The following BIRC2 variants were observed in gnomAD, a reference collection of about 807,000 sequenced individuals.
BIRC2 encodes the protein baculoviral IAP repeat-containing protein 2.
A neutral mutation model predicts 60.9 loss-of-function variants in BIRC2; 18 were observed. The observed-to-expected ratio is 0.30, with a 90% confidence interval of 0.20 to 0.44. The LOEUF (loss-of-function observed/expected upper bound fraction) is 0.44, where lower values mean the gene tolerates loss of function less well. Among genes scored for constraint, BIRC2 ranks in the 20% least tolerant of loss-of-function variants. The pLI is 1.00. For synonymous variants in BIRC2, 282 were observed against 247.7 expected (o/e 1.14, Z -1.30); for missense variants, 701 against 728.5 (o/e 0.96, Z 0.43).
At position 102,377,641 on chromosome 11, in the gene BIRC2, A is replaced by G; in HGVS notation, c.1512A>G (p.Leu504=). The G allele has an allele frequency of 6.2e-7, 1 of 1,611,094 alleles. No individual in the cohort carries two copies. Among genetic ancestry groups the G allele is most frequent in the Non-Finnish European group, 8.5e-7 (1 of 1,179,248 alleles). Residue 504 remains leucine (L), a synonymous_variant, in exon 7 of 9, where the codon TTA becomes TTG. Transcript: ENST00000227758. ...DIIKQKTQIP[L]QARELIDTIL... is the part of the protein sequence containing the mutation. ...TTAAACAAAAAACACAGATACCTTT[A>G]CAAGCGAGAGAACTGATTGATACCA...
rs1009136280 is a variant in BIRC2 at position 102,370,078 on chromosome 11, T to C, written c.1366+1530T>C. 3.4e-3 allele frequency among the ~76,000 whole-genome samples: 517 copies of C among 151,934 alleles called. 5 individuals carry two copies. Among genetic ancestry groups the C allele is most frequent in the South Asian group, 0.024 (114 of 4,826 alleles). On this transcript the variant is annotated intron_variant, in intron 6 of 8. Transcript: ENST00000227758. ...TTCTGGTTATTAGCCCTTTGTCAGA[T>C]GAGTAGGTTGCGAAAATTTTCTCCC...
intron 5 of BIRC2, among the ~76,000 whole-genome samples, chr11:102,365,964 T>A (rs549240625): frequency 3.3e-5 from 5 of 152,336 alleles, no homozygotes; most frequent in Admixed American, 2.6e-4. Context: ...TTTCCCTGGT[T>A]GGTCCTGAAC....
intron 3 of BIRC2, among the ~76,000 whole-genome samples, chr11:102,357,119 G>C (rs1951431903): frequency 6.6e-6 from 1 of 152,144 alleles, no homozygotes; most frequent in Admixed American, 6.5e-5. Context: ...GCTAGTATTT[G>C]TTGAGGATTT....
rs868761621 is a variant in BIRC2, at chr11:102,367,224, A to G, written c.1124-1082A>G. Among the ~76,000 whole-genome samples, 6 of 152,196 alleles carry G rather than the reference A, an allele frequency of 3.9e-5. No individual in the cohort carries two copies. The South Asian group carries it at 1.2e-3, about 32-fold the overall frequency. On this transcript the variant is annotated intron_variant, in intron 5 of 8. Coordinates refer to ENST00000227758, the MANE Select transcript of BIRC2 (RefSeq NM_001166.5). ...GTATATACCAGTTTAGTTCGTTTGT[A>G]TATTTTTAAATTTTTTCACAGTAGT...
chr11:102,353,697 T>C (rs1951388426), intron 3 of BIRC2, among the ~76,000 whole-genome samples: 1 of 145,764 alleles, frequency 6.9e-6, no homozygotes, highest in Admixed American at 6.8e-5. Context: ...TTTTTTTTTT[T>C]TTTTTTGGTG....
chr11:102,369,230 T>G (rs1951592601), intron 6 of BIRC2, among the ~76,000 whole-genome samples: 1 of 151,110 alleles, frequency 6.6e-6, no homozygotes, highest in South Asian at 2.1e-4. Flanking sequence ...TAGTTACATA[T>G]GTATACATGT....
chr11:102,361,458 G>A (rs1369700501), intron 3 of BIRC2, among the ~76,000 whole-genome samples: 1 of 152,042 alleles, frequency 6.6e-6, no homozygotes, highest in Non-Finnish European at 1.5e-5. Flanking sequence ...TGTCTGGGCA[G>A]TGCAAGAGCT....
intron 3 of BIRC2, among the ~76,000 whole-genome samples, chr11:102,360,062 G>C (rs1951468645): frequency 6.6e-6 from 1 of 151,790 alleles, no homozygotes; most frequent in Admixed American, 6.6e-5. Flanking sequence ...CACCTCCCAG[G>C]TTCAAGTGAT....
Position 102,377,754 on chromosome 11 carries a change from A to G in BIRC2, c.1621+4A>G, listed in dbSNP as rs747833581. On this transcript the variant is annotated splice_donor_region_variant and intron_variant, in intron 7 of 8. Coordinates refer to ENST00000227758, the MANE Select transcript of BIRC2 (RefSeq NM_001166.5). ...ACATTGTATAAGAACTTATTTGGTG[A>G]GTTTGTTGGGAAAATTATTTTAGAA... The G allele has an allele frequency of 8.2e-6, 13 of 1,594,148 alleles. No individual in the cohort carries two copies. The highest frequency in any genetic ancestry group is 1.0e-5 in the Non-Finnish European group (12 of 1,175,794).
intron 3 of BIRC2, among the ~76,000 whole-genome samples, chr11:102,358,712 ATTAT>A: frequency 6.6e-6 from 1 of 152,138 alleles, no homozygotes; most frequent in Non-Finnish European, 1.5e-5. Context: ...CCCCTTTCTC[ATTAT>A]ATAATTACTT....
rs1415933287 is a variant in BIRC2, at chr11:102,364,164, TATATATATATACAC to T, written c.1123+450_1123+463del. Among the ~76,000 whole-genome samples the T allele has an allele frequency of 2.2e-3, 177 of 82,172 alleles. 1 individual carries two copies. Among genetic ancestry groups the T allele is most frequent in the Non-Finnish European group, 2.8e-3 (118 of 41,882 alleles). The allele number at this position is 82,172 out of a possible 152,430, so 53.9% of individuals were successfully genotyped here. A position where few individuals can be genotyped will look rare whatever the true frequency, so the allele number is the denominator to read the frequency against. ...TTATATATATATATATATATATATATATATATATATACACACACACACAGAGAGAGAGAGAGAGA... is the reference window on the plus strand; with the variant it reads ...TTATATATATATATATATATATATATACACACACAGAGAGAGAGAGAGAGA... On this transcript the variant is annotated intron_variant, in intron 5 of 8. Transcript: ENST00000227758.
intron 8 of BIRC2, 38 bp downstream of exon 8, chr11:102,377,936 C>G (rs755688781): frequency 2.7e-5 from 42 of 1,531,580 alleles, no homozygotes; most frequent in Non-Finnish European, 3.5e-5. Context: ...AACTATTACC[C>G]TTTTTTTTTA....
At chr11:102,373,628 A>G (rs1460889377) in intron 6 of BIRC2, among the ~76,000 whole-genome samples, 1 of 151,210 alleles carries the variant, frequency 6.6e-6, no homozygotes, top group Non-Finnish European at 1.5e-5. Flanking sequence ...ACTTTGGTGA[A>G]TCTGACAATT....
chr11:102,375,077 A>C (rs955273525), intron 6 of BIRC2, among the ~76,000 whole-genome samples: 5 of 152,200 alleles, frequency 3.3e-5, no homozygotes, highest in Admixed American at 1.3e-4. Flanking sequence ...GGCACTCCCT[A>C]GTGAGATGAA....
chr11:102,364,905 C>G (rs1591539004), intron 5 of BIRC2, among the ~76,000 whole-genome samples: 1 of 152,326 alleles, frequency 6.6e-6, no homozygotes, highest in African/African-American at 2.4e-5. Context: ...ATAACCACTG[C>G]TATTAAGTAG....
intron 6 of BIRC2, among the ~76,000 whole-genome samples, chr11:102,369,939 G>GT (rs1951608132): frequency 2.6e-5 from 4 of 151,708 alleles, no homozygotes; most frequent in Admixed American, 2.0e-4. Flanking sequence ...TTTTTCATGT[G>GT]TTTTTTGGCT....
intron 3 of BIRC2, among the ~76,000 whole-genome samples, chr11:102,358,997 G>A (rs1345999857): frequency 2.0e-5 from 3 of 152,070 alleles, no homozygotes; most frequent in Non-Finnish European, 2.9e-5. Context: ...CTGTCATTTT[G>A]TAATTGTTTT....
intron 5 of BIRC2, among the ~76,000 whole-genome samples, chr11:102,364,513 G>A (rs1277805199): frequency 6.6e-6 from 1 of 152,176 alleles, no homozygotes; most frequent in Non-Finnish European, 1.5e-5. Flanking sequence ...GCAGGAAATA[G>A]TATAGCTTTT....
At chr11:102,355,351 A>G (rs1471660270) in intron 3 of BIRC2, among the ~76,000 whole-genome samples, 1 of 152,090 alleles carries the variant, frequency 6.6e-6, no homozygotes, top group Non-Finnish European at 1.5e-5. Context: ...AGTTTTCCCA[A>G]CACCGTTTGT....
Sources: gnomAD v4.1 joint callset for allele counts (sites outside exome capture counted in the v4.1 genomes callset) on GRCh38, gnomAD v4.1.1 for gene constraint, MANE v1.5 for transcripts, NCBI Gene and HGNC (gene_info 2026-07-23, HGNC 2026-07-21) for gene names.